Variants in RB1 observed in about 807,000 individuals in gnomAD.
The protein encoded by RB1 is retinoblastoma-associated protein.
Under a neutral mutation model 135.4 loss-of-function variants are expected in RB1, and 18 were observed. The observed-to-expected ratio is 0.13, with a 90% confidence interval of 0.09 to 0.20. The LOEUF is 0.20. RB1 is among the 10% of genes least tolerant of loss of function. RB1 has a pLI of 1.00. For synonymous variants in RB1, 365 were observed against 373.2 expected (o/e 0.98, Z 0.25); for missense variants, 868 against 1,110.0 (o/e 0.78, Z 3.10).
intron 17 of RB1, among the ~76,000 whole-genome samples, chr13:48,425,052 C>CA (rs933328070): frequency 2.0e-4 from 29 of 144,540 alleles, no homozygotes; most frequent in Middle Eastern, 3.6e-3. Context: ...GACTCTGTCT[C>CA]AAAAAAAAAG....
At chr13:48,435,737 G>T (rs1452197235) in intron 17 of RB1, among the ~76,000 whole-genome samples, 3 of 152,086 alleles carry the variant, frequency 2.0e-5, no homozygotes, top group Non-Finnish European at 1.5e-5. Context: ...TTGAGATTTG[G>T]GTTGAGGTTT....
At chr13:48,308,662 CA>C (rs1164134702) in intron 2 of RB1, among the ~76,000 whole-genome samples, 11 of 150,152 alleles carry the variant, frequency 7.3e-5, no homozygotes, top group East Asian at 1.9e-4. Context: ...AAAAAAAAAA[CA>C]AAAAAAACCC....
chr13:48,358,560 C>T (rs1180904018), intron 6 of RB1, among the ~76,000 whole-genome samples: 1 of 152,136 alleles, frequency 6.6e-6, no homozygotes, highest in East Asian at 1.9e-4. Flanking sequence ...TATAACAGAA[C>T]ACTTCTAGTG....
chr13:48,316,034 TA>T (rs1390798410), intron 2 of RB1, among the ~76,000 whole-genome samples: 2 of 152,122 alleles, frequency 1.3e-5, no homozygotes, highest in East Asian at 3.8e-4. Context: ...ATTTTCCATA[TA>T]AAAAGGGGTT....
intron 11 of RB1, among the ~76,000 whole-genome samples, chr13:48,371,254 TAGTC>T (rs1035213262): frequency 6.6e-6 from 1 of 152,142 alleles, no homozygotes; most frequent in African/African-American, 2.4e-5. Context: ...CACATGGTAA[TAGTC>T]AGTGGGGGGA....
intron 17 of RB1, among the ~76,000 whole-genome samples, chr13:48,435,537 A>G (rs2138290476): frequency 1.3e-5 from 2 of 152,216 alleles, no homozygotes; most frequent in African/African-American, 4.8e-5. Context: ...CATCTTCTTC[A>G]CATCATGTTT....
chr13:48,358,889 C>T (rs1049658266), intron 6 of RB1, among the ~76,000 whole-genome samples: 1 of 152,062 alleles, frequency 6.6e-6, no homozygotes, highest in Admixed American at 6.6e-5. Context: ...CCTAGAAATC[C>T]TTGATATCGT....
intron 17 of RB1, among the ~76,000 whole-genome samples, chr13:48,409,570 ATTTTTTTTTTTTTTTTT>A (rs5803435): frequency 3.4e-5 from 2 of 59,668 alleles, no homozygotes; most frequent in Non-Finnish European, 5.8e-5. Flanking sequence ...GAACTGCTTG[ATTTTTTTTTTTTTTTTT>A]TTTTTTTTTT....
intron 17 of RB1, among the ~76,000 whole-genome samples, chr13:48,394,331 G>T (rs1201415683): frequency 6.6e-6 from 1 of 152,168 alleles, no homozygotes; most frequent in East Asian, 1.9e-4. Context: ...GCAGCTGTTT[G>T]GGCAGATACC....
chr13:48,321,255 T>C (rs570596257), intron 2 of RB1, among the ~76,000 whole-genome samples: 2 of 152,052 alleles, frequency 1.3e-5, no homozygotes, highest in South Asian at 4.2e-4. Flanking sequence ...TGACACTCCC[T>C]TTTTGATATT....
intron 18 of RB1, 26 bp downstream of exon 18, chr13:48,453,137 C>T (rs1163063712): frequency 6.3e-7 from 1 of 1,587,138 alleles, no homozygotes; most frequent in Admixed American, 1.7e-5. Flanking sequence ...GTTATGTTGA[C>T]CATTCAAACT....
At chr13:48,386,069 A>G (rs198559) in intron 17 of RB1, among the ~76,000 whole-genome samples, 137,407 of 148,796 alleles carry the variant, frequency 0.92, 64,054 homozygotes, top group East Asian at 1. Context: ...GCTAGGTGTG[A>G]TGGCATGGTG....
chr13:48,318,352 C>T, intron 2 of RB1: 1 of 1,427,438 alleles, frequency 7.0e-7, no homozygotes, highest in Non-Finnish European at 9.5e-7. Flanking sequence ...GCCCTGGGTT[C>T]CCTGCACCTC....
chr13:48,480,037 A>C lies in RB1; in HGVS notation c.2753A>C (p.Asp918Ala). 6.2e-7 allele frequency: 1 copy of C among 1,613,482 alleles called. No individual in the cohort carries two copies. Among genetic ancestry groups the C allele is most frequent in the Admixed American group, 1.7e-5 (1 of 59,972 alleles). ...RTRMQKQKMN[D>A]SMDTSNKEEK ...CGAATGCAAAAGCAGAAAATGAATGATAGCATGGATACCTCAAACAAGGAA... is the reference window on the plus strand; with the variant it reads ...CGAATGCAAAAGCAGAAAATGAATGCTAGCATGGATACCTCAAACAAGGAA... Residue 918 changes from aspartate (D) to alanine (A), a missense_variant, in exon 27 of 27, where the codon GAT (aspartate) becomes GCT (alanine). This residue lies in a region of RB1 where 196 missense variants were observed against 239.8 expected (regional missense o/e 0.82). Transcript: ENST00000267163.
At chr13:48,421,503 C>T (rs2138243490) in intron 17 of RB1, among the ~76,000 whole-genome samples, 1 of 152,178 alleles carries the variant, frequency 6.6e-6, no homozygotes, top group Admixed American at 6.5e-5. Flanking sequence ...TAACAAAAGC[C>T]AAAATTGACA....
chr13:48,418,111 A>G (rs1180617924), intron 17 of RB1, among the ~76,000 whole-genome samples: 3 of 152,208 alleles, frequency 2.0e-5, no homozygotes, highest in Admixed American at 2.0e-4. Flanking sequence ...GAAGGAAAAA[A>G]TGTTAAAAGC....
At chr13:48,409,029 C>A (rs1948764745) in intron 17 of RB1, among the ~76,000 whole-genome samples, 1 of 151,700 alleles carries the variant, frequency 6.6e-6, no homozygotes, top group Non-Finnish European at 1.5e-5. Context: ...AGTGTAATAT[C>A]AAATAAAGGA....
intron 2 of RB1, among the ~76,000 whole-genome samples, chr13:48,326,545 A>G (rs1380920755): frequency 6.6e-6 from 1 of 152,138 alleles, no homozygotes; most frequent in East Asian, 1.9e-4. Context: ...TAGTTTGCCT[A>G]CATTAAAGTG....
chr13:48,341,423 A>T (rs889653766), intron 2 of RB1: 9 of 151,924 alleles, frequency 5.9e-5, no homozygotes, highest in African/African-American at 1.9e-4. Context: ...TTGGGTATGA[A>T]TATCTGGGAG....
Sources: allele counts gnomAD v4.1 joint callset (sites outside exome capture counted in the v4.1 genomes callset), GRCh38; gene constraint gnomAD v4.1.1; regional missense constraint gnomAD v4.1.1; transcripts MANE v1.5; gene names NCBI Gene and HGNC (gene_info 2026-07-23, HGNC 2026-07-21).